Variants in ATRX observed in about 807,000 individuals in gnomAD.
The protein encoded by ATRX is ATRX chromatin remodeler, also known as chromatin remodeler ATRX.
Under a neutral mutation model 172.6 loss-of-function variants are expected in ATRX, and 12 were observed. That is an observed-to-expected ratio of 0.07 (90% CI 0.04 to 0.11). ATRX has a LOEUF of 0.11. Ranked by LOEUF, ATRX falls within the 10% of genes least tolerant of loss-of-function variation. ATRX has a pLI of 1.00. For synonymous variants in ATRX, 674 were observed against 594.7 expected (o/e 1.13, Z -1.94); for missense variants, 1,368 against 1,767.4 (o/e 0.77, Z 4.05).
chrX:77,736,139 C>T (rs959551772), intron 1 of ATRX, among the ~76,000 whole-genome samples: 1 of 111,830 alleles, frequency 8.9e-6, no homozygotes, highest in African/African-American at 3.2e-5. Flanking sequence ...GGGAAACTCT[C>T]TAGGCCATTA....
At chrX:77,670,158 T>A (rs1557128857) in intron 10 of ATRX, among the ~76,000 whole-genome samples, 1 of 112,070 alleles carries the variant, frequency 8.9e-6, no homozygotes, top group Non-Finnish European at 1.9e-5. Flanking sequence ...AAAAATATAT[T>A]TTTAGAAGGC....
At chrX:77,560,399 T>C (rs1361973165) in intron 28 of ATRX, among the ~76,000 whole-genome samples, 4 of 110,823 alleles carry the variant, frequency 3.6e-5, no homozygotes, top group Non-Finnish European at 7.6e-5. Context: ...TAACTGTATA[T>C]ACAATATGTA....
At chrX:77,624,373 AG>A (rs1405210036) in intron 19 of ATRX, among the ~76,000 whole-genome samples, 2 of 111,179 alleles carry the variant, frequency 1.8e-5, no homozygotes, top group East Asian at 5.7e-4. Flanking sequence ...TCTCAAAAAA[AG>A]AAAAAGAAAA....
At chrX:77,738,782 C>T (rs1187461759) in intron 1 of ATRX, among the ~76,000 whole-genome samples, 2 of 109,384 alleles carry the variant, frequency 1.8e-5, no homozygotes, top group Non-Finnish European at 3.8e-5. Context: ...TGGCTGGTCT[C>T]AAACTCCTGG....
At chrX:77,701,721 T>TA (rs1222856934) in intron 2 of ATRX, among the ~76,000 whole-genome samples, 243 of 106,385 alleles carry the variant, frequency 2.3e-3, no homozygotes, top group Middle Eastern at 9.5e-3. Context: ...GCATGCATGT[T>TA]AAAAAAAAAA....
chrX:77,667,295 ATGTGTGTGTGTG>A lies in ATRX; in HGVS notation c.3810-2529_3810-2518del, dbSNP rs782297684. 2.4e-3 allele frequency among the ~76,000 whole-genome samples: 212 copies of A among 89,053 alleles called. 1 individual carries two copies. The highest frequency in any genetic ancestry group is 3.1e-3 in the South Asian group (5 of 1,605). 77.3% of individuals were successfully genotyped at this position (89,053 alleles called of 115,157 possible). A position where few individuals can be genotyped will look rare whatever the true frequency, so the allele number is the denominator to read the frequency against. On this transcript the variant is annotated intron_variant, in intron 10 of 34. Transcript: ENST00000373344. ...ATAATGAATTTTGGGACGAATAAAT[ATGTGTGTGTGTG>A]TGTGTGTGTGTGTGTGTGTGTGTGT...
intron 15 of ATRX, among the ~76,000 whole-genome samples, chrX:77,639,409 G>A (rs2148380630): frequency 8.9e-6 from 1 of 111,777 alleles, no homozygotes; most frequent in African/African-American, 3.2e-5. Context: ...CAAGTGAGTT[G>A]GAAAAGGATA....
intron 30 of ATRX, among the ~76,000 whole-genome samples, chrX:77,553,023 G>A (rs1254462255): frequency 9.1e-6 from 1 of 110,121 alleles, no homozygotes; most frequent in Non-Finnish European, 1.9e-5. Context: ...AAGAAGGAAG[G>A]TGTTTGCAAT....
chrX:77,619,910 T>C (rs2067512516), intron 20 of ATRX, among the ~76,000 whole-genome samples: 2 of 111,855 alleles, frequency 1.8e-5, no homozygotes, highest in South Asian at 3.7e-4. Flanking sequence ...TCACAAGTCA[T>C]TTCCCTAGGT....
intron 16 of ATRX, 55 bp downstream of exon 16, chrX:77,635,860 C>CAA: frequency 8.9e-7 from 1 of 1,124,407 alleles, no homozygotes; most frequent in Non-Finnish European, 1.2e-6. Flanking sequence ...GCCTCACACC[C>CAA]AAATATTGGT....
At chrX:77,547,820 G>A (rs1302505501) in intron 30 of ATRX, among the ~76,000 whole-genome samples, 2 of 110,782 alleles carry the variant, frequency 1.8e-5, no homozygotes, top group African/African-American at 6.6e-5. Context: ...ATCTCCTCTG[G>A]CTCCTAAATG....
chrX:77,765,301 G>A (rs527418126), intron 1 of ATRX, among the ~76,000 whole-genome samples: 24 of 112,250 alleles, frequency 2.1e-4, no homozygotes, highest in South Asian at 7.3e-4. Context: ...TCTGAAGCAC[G>A]GGAACAATAA....
At chrX:77,555,603 G>A (rs782313210) in intron 30 of ATRX, among the ~76,000 whole-genome samples, 1 of 110,436 alleles carries the variant, frequency 9.1e-6, no homozygotes, top group South Asian at 3.9e-4. Flanking sequence ...ACTAACACAA[G>A]AACAGAAAAC....
intron 1 of ATRX, among the ~76,000 whole-genome samples, chrX:77,768,873 C>G (rs182994713): frequency 1.9e-3 from 211 of 111,833 alleles, no homozygotes; most frequent in Non-Finnish European, 2.7e-3. Context: ...TCAAATTTAA[C>G]TCATCTATGT....
chrX:77,603,267 T>A (rs1404452258), intron 22 of ATRX, among the ~76,000 whole-genome samples: 1 of 111,709 alleles, frequency 9.0e-6, no homozygotes, highest in Non-Finnish European at 1.9e-5. Context: ...CTTTTAGGAT[T>A]GTTTTTTCTA....
At chrX:77,556,566 C>T (rs1569522693) in intron 30 of ATRX, among the ~76,000 whole-genome samples, 1 of 110,875 alleles carries the variant, frequency 9.0e-6, no homozygotes, top group African/African-American at 3.3e-5. Flanking sequence ...CTTTGTAAAC[C>T]TTAAAGTTTT....
intron 10 of ATRX, among the ~76,000 whole-genome samples, chrX:77,669,449 G>A (rs1240889930): frequency 5.5e-5 from 6 of 109,550 alleles, no homozygotes; most frequent in Non-Finnish European, 1.1e-4. Flanking sequence ...TCAGCCTCCC[G>A]AGTACGTAGG....
At chrX:77,586,767 T>G (rs1254555182) in intron 27 of ATRX, among the ~76,000 whole-genome samples, 1 of 111,766 alleles carries the variant, frequency 8.9e-6, no homozygotes, top group African/African-American at 3.3e-5. Context: ...TTTAAAATGT[T>G]GAAAAATTAG....
chrX:77,521,561 G>A lies in ATRX; in HGVS notation c.6976-63C>T, dbSNP rs1307124884. 24 of 919,836 alleles carry A rather than the reference G, an allele frequency of 2.6e-5. 1 individual carries two copies. In the Admixed American group the frequency reaches 5.2e-4, roughly 20 times the overall value. The allele number at this position is 919,836 out of a possible 1,213,427, so 75.8% of individuals were successfully genotyped here. A position where few individuals can be genotyped will look rare whatever the true frequency, so the allele number is the denominator to read the frequency against. On this transcript the variant is annotated intron_variant, in intron 32 of 34. Transcript: ENST00000373344. ...AGACAGCATAGTGTTAAAGTATAGG[G>A]AATCCTTCCATTTGCCAACTTAGAG...
Sources: gnomAD v4.1 joint callset for allele counts (sites outside exome capture counted in the v4.1 genomes callset) on GRCh38, gnomAD v4.1.1 for gene constraint, MANE v1.5 for transcripts, NCBI Gene and HGNC (gene_info 2026-07-23, HGNC 2026-07-21) for gene names.